The following GRAMD1C variants were observed in gnomAD, a reference collection of about 807,000 sequenced individuals.
The protein encoded by GRAMD1C is protein Aster-C.
Under a neutral mutation model 97.8 loss-of-function variants are expected in GRAMD1C, and 89 were observed. That is an observed-to-expected ratio of 0.91 (90% CI 0.77 to 1.09). GRAMD1C has a LOEUF of 1.09. Among genes scored for constraint, GRAMD1C ranks in the 50% least tolerant of loss-of-function variants. The pLI, the probability that GRAMD1C is intolerant of heterozygous loss-of-function variation, is 0.00. For missense variants in GRAMD1C, 740 were observed against 766.4 expected, an observed-to-expected ratio of 0.97 and a Z score of 0.41; for synonymous variants, 256 against 267.0, an observed-to-expected ratio of 0.96 and a Z score of 0.40.
intron 1 of GRAMD1C, among the ~76,000 whole-genome samples, chr3:113,831,775 T>C (rs570890315): frequency 7.2e-5 from 11 of 152,336 alleles, no homozygotes; most frequent in Non-Finnish European, 1.6e-4. Flanking sequence ...TGTGGTTCCT[T>C]TTGTAATTTA....
intron 1 of GRAMD1C, among the ~76,000 whole-genome samples, chr3:113,843,740 G>C (rs1933479261): frequency 6.6e-6 from 1 of 152,210 alleles, no homozygotes; most frequent in South Asian, 2.1e-4. Flanking sequence ...TTACAGGCGT[G>C]AGCCACCTCG....
intron 10 of GRAMD1C, chr3:113,920,001 C>T (rs368006595): frequency 7.2e-6 from 5 of 690,938 alleles, no homozygotes; most frequent in Non-Finnish European, 1.3e-5. Context: ...CTCCAACAAT[C>T]AGATGTGAAC....
At chr3:113,937,060 A>G (rs941099969) in intron 14 of GRAMD1C, 3 of 152,396 alleles carry the variant, frequency 2.0e-5, no homozygotes, top group Non-Finnish European at 4.4e-5. Context: ...CCTAGCATTT[A>G]TAGAAATTCA....
chr3:113,861,607 T>C (rs1188173149), intron 2 of GRAMD1C, among the ~76,000 whole-genome samples: 1 of 152,170 alleles, frequency 6.6e-6, no homozygotes, highest in African/African-American at 2.4e-5. Context: ...TCTGCAAATA[T>C]TGGATAAGGG....
At chr3:113,829,804 A>C (rs1709534807) in intron 1 of GRAMD1C, among the ~76,000 whole-genome samples, 1 of 152,144 alleles carries the variant, frequency 6.6e-6, no homozygotes, top group South Asian at 2.1e-4. Flanking sequence ...CTGTTGTGCC[A>C]ACATCCTAGA....
In GRAMD1C at chr3:113,885,732, G is replaced by T. The variant is rs1577163949; in HGVS notation, c.540+2900G>T. The T allele has an allele frequency of 3.8e-6, 6 of 1,565,468 alleles. No homozygotes were observed. The East Asian group carries it at 1.3e-4, about 35-fold the overall frequency. ...TGGCTTTGCTGTGGCAGGTAAACTG[G>T]ACAATAGCAGAAGCATCCTTAAGAG... On this transcript the variant is annotated intron_variant, in intron 6 of 17. Transcript: ENST00000358160.
intron 17 of GRAMD1C, among the ~76,000 whole-genome samples, chr3:113,942,014 C>T (rs766249061): frequency 6.6e-6 from 1 of 151,432 alleles, no homozygotes; most frequent in Non-Finnish European, 1.5e-5. Flanking sequence ...CTCCTGGGCT[C>T]AAGCAAACCT....
intron 6 of GRAMD1C, chr3:113,885,611 GT>G: frequency 1.3e-6 from 2 of 1,522,588 alleles, no homozygotes; most frequent in Non-Finnish European, 1.8e-6. Flanking sequence ...ATTCTGTCCG[GT>G]TTTTTGTACG....
intron 2 of GRAMD1C, among the ~76,000 whole-genome samples, chr3:113,852,604 C>T (rs1933956903): frequency 6.6e-6 from 1 of 151,646 alleles, no homozygotes; most frequent in East Asian, 1.9e-4. Context: ...GGGAAATATA[C>T]CTAAGGGGTT....
chr3:113,893,258 A>G (rs939084422), intron 6 of GRAMD1C, among the ~76,000 whole-genome samples: 1 of 152,172 alleles, frequency 6.6e-6, no homozygotes, highest in Non-Finnish European at 1.5e-5. Context: ...TTCCTGCTTA[A>G]TACCCATTGC....
chr3:113,863,372 A>C (rs1328409058), intron 2 of GRAMD1C, among the ~76,000 whole-genome samples: 1 of 152,168 alleles, frequency 6.6e-6, no homozygotes, highest in African/African-American at 2.4e-5. Flanking sequence ...TGATTGCACT[A>C]TTGTGGGCTT....
intron 1 of GRAMD1C, among the ~76,000 whole-genome samples, chr3:113,839,299 A>C (rs1012211477): frequency 7.9e-5 from 12 of 152,088 alleles, no homozygotes; most frequent in Admixed American, 2.6e-4. Context: ...TTTCATTCTC[A>C]GCCCTGTTGT....
At chr3:113,923,901 C>A (rs9878407) in intron 10 of GRAMD1C, among the ~76,000 whole-genome samples, 1 of 151,764 alleles carries the variant, frequency 6.6e-6, no homozygotes, top group Admixed American at 6.6e-5. Context: ...GTGAATCCAT[C>A]GGGTCCTGGG....
chr3:113,884,731 C>G (rs1046281346), intron 6 of GRAMD1C, among the ~76,000 whole-genome samples: 8 of 151,606 alleles, frequency 5.3e-5, no homozygotes, highest in Non-Finnish European at 1.2e-4. Context: ...CCCAGCTACT[C>G]GGGAGGCTGA....
chr3:113,842,836 G>A lies in GRAMD1C; in HGVS notation c.28-1667G>A, dbSNP rs573061882. 1.1e-3 allele frequency among the ~76,000 whole-genome samples: 170 copies of A among 151,914 alleles called. 1 individual carries two copies. The highest frequency in any genetic ancestry group is 3.9e-3 in the African/African-American group (161 of 41,432). On this transcript the variant is annotated intron_variant, in intron 1 of 17. Transcript: ENST00000358160. ...AAATTAGCCGGGTGAGGTGGTGCAC[G>A]CTTGTAATCCCAGCTACTCGGGAGA...
At chr3:113,850,498 G>A in intron 2 of GRAMD1C, 3 of 1,549,954 alleles carry the variant, frequency 1.9e-6, no homozygotes, top group Non-Finnish European at 2.7e-6. Flanking sequence ...TAATCATGGA[G>A]ATACTGGATG....
Position 113,844,615 on chromosome 3 carries a change from A to G in GRAMD1C, c.140A>G (p.Asn47Ser), listed in dbSNP as rs1478360012. Residue 47 changes from asparagine to serine, a missense_variant, in exon 2 of 18, where the codon AAT (asparagine) becomes AGT (serine). Physicochemically the swap from Asn to Ser is conservative, Grantham distance 46. Transcript: ENST00000358160. ...NNVVVKKQGP[N>S]LHNWSGDWSF... ...GTGGTAGTTAAAAAACAGGGGCCAA[A>G]TTTACATAATTGGAGTGGTGACTGG... 3 of 1,604,486 alleles carry G rather than the reference A, an allele frequency of 1.9e-6. No homozygotes were observed. The highest frequency in any genetic ancestry group is 2.3e-5 in the East Asian group (1 of 44,316).
At chr3:113,865,666 A>G (rs1559784572) in intron 2 of GRAMD1C, among the ~76,000 whole-genome samples, 1 of 152,168 alleles carries the variant, frequency 6.6e-6, no homozygotes, top group Non-Finnish European at 1.5e-5. Flanking sequence ...TGTTTCAAAT[A>G]TTGCATCTAC....
In GRAMD1C at chr3:113,930,796, A is replaced by T; in HGVS notation, c.1173A>T (p.Pro391=). ...CCTACACTATAGTCCTTAATAGTCCACTTACTGGAAAATGCACTGCTGCCA... is the reference window on the plus strand; with the variant it reads ...CCTACACTATAGTCCTTAATAGTCCTCTTACTGGAAAATGCACTGCTGCCA... The part of the protein sequence containing the change: ...TMTYTIVLNS[P]LTGKCTAATE... The change falls in exon 11 of 18, where the codon CCA becomes CCT. Residue 391 remains proline, a synonymous_variant. Coordinates refer to ENST00000358160, the MANE Select transcript of GRAMD1C (RefSeq NM_017577.5). The T allele has an allele frequency of 6.2e-7, 1 of 1,609,330 alleles. No individual in the cohort carries two copies.
Sources: allele counts gnomAD v4.1 joint callset (sites outside exome capture counted in the v4.1 genomes callset), GRCh38; gene constraint gnomAD v4.1.1; transcripts MANE v1.5; gene names NCBI Gene and HGNC (gene_info 2026-07-23, HGNC 2026-07-21).